GPC6: variants seen among roughly 807,000 people sequenced by gnomAD.
GPC6 encodes glypican-6.
GPC6 carries 14 observed loss-of-function variants against 55.2 expected under a neutral mutation model. The ratio of observed to expected loss-of-function variants is 0.25; its 90% CI spans 0.17 to 0.40. GPC6 has a LOEUF of 0.40. Among genes scored for constraint, GPC6 ranks in the 10% least tolerant of loss-of-function variants. GPC6 has a pLI of 1.00. For missense variants in GPC6, 641 were observed against 708.5 expected, an observed-to-expected ratio of 0.90 and a Z score of 1.08; for synonymous variants, 278 against 259.6, an observed-to-expected ratio of 1.07 and a Z score of -0.68.
At chr13:93,732,515 GTT>G (rs1419573888) in intron 2 of GPC6, among the ~76,000 whole-genome samples, 5 of 152,290 alleles carry the variant, frequency 3.3e-5, no homozygotes, top group African/African-American at 9.6e-5. Context: ...CAGTCATAGA[GTT>G]TTGTCATTAG....
intron 3 of GPC6, among the ~76,000 whole-genome samples, chr13:93,891,100 A>T (rs952500355): frequency 5.3e-5 from 8 of 152,132 alleles, no homozygotes; most frequent in African/African-American, 1.2e-4. Context: ...ACAACTTTTT[A>T]AAAAAATGCA....
rs146154812 is a variant in GPC6, at chr13:93,397,343, A to G, written c.161-147920A>G. ...TTTTCTTCCTTTTTTTGGTATAGCC[A>G]TCTAATAAGTGTAAAGTGATATCTC... is the stretch of plus-strand genomic sequence containing the variant. On this transcript the variant is annotated intron_variant, in intron 1 of 8. Transcript: ENST00000377047. 2.7e-3 allele frequency among the ~76,000 whole-genome samples: 418 copies of G among 152,246 alleles called. 1 individual carries two copies. Among genetic ancestry groups the G allele is most frequent in the Middle Eastern group, 0.01 (3 of 294 alleles).
chr13:93,602,301 G>A (rs1469932461), intron 2 of GPC6, among the ~76,000 whole-genome samples: 1 of 152,122 alleles, frequency 6.6e-6, no homozygotes, highest in East Asian at 1.9e-4. Flanking sequence ...TACAAATACT[G>A]TTTTGGGTAC....
chr13:93,233,101 C>T (rs937197233), intron 1 of GPC6, among the ~76,000 whole-genome samples: 4 of 151,988 alleles, frequency 2.6e-5, no homozygotes, highest in African/African-American at 7.2e-5. Context: ...TGAGCTGGTA[C>T]ATAATTTAAC....
At chr13:94,150,125 T>A (rs898959333) in intron 4 of GPC6, among the ~76,000 whole-genome samples, 2 of 152,096 alleles carry the variant, frequency 1.3e-5, no homozygotes, top group Non-Finnish European at 1.5e-5. Context: ...CATCTGCCTC[T>A]AAGTTGCTCA....
At chr13:93,279,663 T>G (rs886822642) in intron 1 of GPC6, among the ~76,000 whole-genome samples, 1 of 152,182 alleles carries the variant, frequency 6.6e-6, no homozygotes, top group African/African-American at 2.4e-5. Context: ...GTTTATACAT[T>G]TCATGGCGAG....
intron 2 of GPC6, among the ~76,000 whole-genome samples, chr13:93,595,108 A>C (rs1877666918): frequency 6.6e-6 from 1 of 152,318 alleles, no homozygotes; most frequent in South Asian, 2.1e-4. Flanking sequence ...CTTTAGATTT[A>C]GAATCTGCAT....
At chr13:94,270,929 G>A (rs1483785906) in intron 4 of GPC6, among the ~76,000 whole-genome samples, 1 of 131,616 alleles carries the variant, frequency 7.6e-6, no homozygotes, top group Non-Finnish European at 1.6e-5. Flanking sequence ...TTTGTTTAAT[G>A]CAGCCTTATA....
intron 1 of GPC6, among the ~76,000 whole-genome samples, chr13:93,490,784 C>A (rs1247360836): frequency 8.6e-6 from 1 of 116,132 alleles, no homozygotes; most frequent in African/African-American, 3.2e-5. Context: ...GTTTTTTGTT[C>A]TTGCGATAGT....
At chr13:93,265,884 A>G (rs1394591357) in intron 1 of GPC6, among the ~76,000 whole-genome samples, 1 of 151,442 alleles carries the variant, frequency 6.6e-6, no homozygotes, top group African/African-American at 2.4e-5. Flanking sequence ...AACTGGCAGG[A>G]GCCACCGCAG....
rs139099490 is a variant in GPC6, at chr13:94,062,953, C to T, written c.877+35059C>T. On this transcript the variant is annotated intron_variant, in intron 4 of 8. Coordinates refer to ENST00000377047, the MANE Select transcript of GPC6 (RefSeq NM_005708.5). ...GTGGGGTGAAATACTACCAATTTTACAAGAGAAATAATGCATGGGGATGTT... is the reference window on the plus strand; with the variant it reads ...GTGGGGTGAAATACTACCAATTTTATAAGAGAAATAATGCATGGGGATGTT... Among the ~76,000 whole-genome samples the T allele has an allele frequency of 2.0e-4, 31 of 152,278 alleles. No individual in the cohort carries two copies. In the East Asian group the frequency reaches 6.0e-3, roughly 29 times the overall value.
At chr13:93,281,797 C>G (rs9589701) in intron 1 of GPC6, among the ~76,000 whole-genome samples, 1 of 152,102 alleles carries the variant, frequency 6.6e-6, no homozygotes, top group Admixed American at 6.5e-5. Flanking sequence ...GCGTGGGCGA[C>G]GGAGTGAGAC....
chr13:93,400,739 T>A (rs1876041272), intron 1 of GPC6, among the ~76,000 whole-genome samples: 1 of 151,772 alleles, frequency 6.6e-6, no homozygotes, highest in South Asian at 2.1e-4. Context: ...CCCAGAAAAA[T>A]TAAAAATTAA....
At chr13:93,229,989 C>T (rs903958061) in intron 1 of GPC6, among the ~76,000 whole-genome samples, 1 of 152,146 alleles carries the variant, frequency 6.6e-6, no homozygotes, top group African/African-American at 2.4e-5. Flanking sequence ...CACACTCTAT[C>T]TCTCCTCCCT....
At chr13:94,384,479 G>T (rs1213226002) in intron 7 of GPC6, among the ~76,000 whole-genome samples, 1 of 152,160 alleles carries the variant, frequency 6.6e-6, no homozygotes, top group African/African-American at 2.4e-5. Context: ...GTTTTGAACT[G>T]CTATTCCCAC....
chr13:93,915,715 A>G (rs190927690), intron 3 of GPC6, among the ~76,000 whole-genome samples: 1 of 152,246 alleles, frequency 6.6e-6, no homozygotes, highest in Admixed American at 6.5e-5. Flanking sequence ...AAATCTCAGA[A>G]CCACCTCTTT....
At chr13:93,542,912 A>G (rs1267115281) in intron 1 of GPC6, among the ~76,000 whole-genome samples, 1 of 152,212 alleles carries the variant, frequency 6.6e-6, no homozygotes, top group Admixed American at 6.5e-5. Context: ...TATCAGCTTA[A>G]GGAGATTTTG....
chr13:93,306,398 G>T (rs184086940), intron 1 of GPC6, among the ~76,000 whole-genome samples: 3 of 152,132 alleles, frequency 2.0e-5, no homozygotes, highest in Middle Eastern at 3.4e-3. Context: ...GAGCCAACTT[G>T]TTTGATTCAT....
intron 6 of GPC6, among the ~76,000 whole-genome samples, chr13:94,373,440 G>A (rs1186268692): frequency 5.3e-5 from 8 of 152,156 alleles, no homozygotes; most frequent in South Asian, 4.1e-4. Context: ...GAGCCGATGA[G>A]ATCAATTGGA....
Sources: gnomAD v4.1 joint callset for allele counts (sites outside exome capture counted in the v4.1 genomes callset) on GRCh38, gnomAD v4.1.1 for gene constraint, MANE v1.5 for transcripts, NCBI Gene and HGNC (gene_info 2026-07-23, HGNC 2026-07-21) for gene names.